The following ADAMTS3 variants were observed in gnomAD, a reference collection of about 807,000 sequenced individuals.
ADAMTS3 encodes the protein ADAM metallopeptidase with thrombospondin type 1 motif 3, also known as A disintegrin and metalloproteinase with thrombospondin motifs 3.
ADAMTS3 carries 73 observed loss-of-function variants against 129.0 expected under a neutral mutation model. The observed-to-expected ratio is 0.57, with a 90% confidence interval of 0.47 to 0.69. The LOEUF (loss-of-function observed/expected upper bound fraction) is 0.69. ADAMTS3 is among the 30% of genes least tolerant of loss of function. The pLI, the probability that ADAMTS3 is intolerant of heterozygous loss-of-function variation, is 0.00. For missense variants in ADAMTS3, 1,457 were observed against 1,514.5 expected (o/e 0.96, Z 0.63); for synonymous variants, 477 against 510.8 (o/e 0.93, Z 0.89).
chr4:72,416,503 C>G (rs1280975647), intron 3 of ADAMTS3, among the ~76,000 whole-genome samples: 3 of 152,126 alleles, frequency 2.0e-5, no homozygotes, highest in African/African-American at 7.2e-5. Flanking sequence ...CTGGAACAAA[C>G]CTCTAGCTTT....
chr4:72,510,692 C>A (rs1224713154), intron 3 of ADAMTS3, among the ~76,000 whole-genome samples: 1 of 151,806 alleles, frequency 6.6e-6, no homozygotes, highest in African/African-American at 2.4e-5. Flanking sequence ...CTACCCAAAG[C>A]AATCTATAGG....
chr4:72,525,884 G>C (rs1353713971), intron 3 of ADAMTS3, among the ~76,000 whole-genome samples: 1 of 152,160 alleles, frequency 6.6e-6, no homozygotes, highest in Non-Finnish European at 1.5e-5. Flanking sequence ...GAACTGGCGG[G>C]GGAGAGAGGG....
chr4:72,322,533 T>C (rs1719583315), intron 6 of ADAMTS3, among the ~76,000 whole-genome samples: 1 of 152,210 alleles, frequency 6.6e-6, no homozygotes, highest in Admixed American at 6.5e-5. Flanking sequence ...AGTGGAAAGA[T>C]ATATGTATAT....
rs186412171 is a variant in ADAMTS3 at position 72,283,239 on chromosome 4, G to C, written c.3515C>G (p.Ala1172Gly). Reference sequence around the variant, plus strand: ...AGAAGAAGCACCTATTGAATCACTGGCTGCAAAGAAGGAAGCAGCAGCCAT... The same window carrying C: ...AGAAGAAGCACCTATTGAATCACTGCCTGCAAAGAAGGAAGCAGCAGCCAT... ...SQMAAASFFA[A>G]SDSIGASSQA... is the part of the protein sequence containing the mutation. Residue 1172 changes from alanine (A) to glycine (G), a missense_variant, in exon 22 of 22, where the codon GCC (alanine) becomes GGC (glycine). Ala to Gly is a moderately conservative substitution (Grantham distance 60). Transcript: ENST00000286657. The C allele has an allele frequency of 1.9e-6, 3 of 1,613,956 alleles. No individual in the cohort carries two copies. In the African/African-American group the frequency reaches 4.0e-5, roughly 22 times the overall value.
chr4:72,537,425 C>A (rs574362836), intron 3 of ADAMTS3, among the ~76,000 whole-genome samples: 40 of 151,490 alleles, frequency 2.6e-4, no homozygotes, highest in African/African-American at 9.2e-4. Context: ...TTCTCTTTTT[C>A]TCCTTTTGTG....
At chr4:72,333,823 T>A (rs1479093218) in intron 5 of ADAMTS3, among the ~76,000 whole-genome samples, 2 of 150,182 alleles carry the variant, frequency 1.3e-5, no homozygotes, top group Non-Finnish European at 2.9e-5. Context: ...TGTTGTTTTG[T>A]TGTTGTTGTT....
chr4:72,286,699 C>T (rs1249273688), intron 21 of ADAMTS3, among the ~76,000 whole-genome samples: 4 of 152,166 alleles, frequency 2.6e-5, no homozygotes, highest in East Asian at 3.9e-4. Context: ...TTGTCACTGT[C>T]GTGGCTTTAG....
chr4:72,460,566 A>AT (rs1718739236), intron 3 of ADAMTS3, among the ~76,000 whole-genome samples: 1 of 151,448 alleles, frequency 6.6e-6, no homozygotes, highest in African/African-American at 2.4e-5. Context: ...TTTTAAAAAT[A>AT]TATTAATAAA....
intron 3 of ADAMTS3, among the ~76,000 whole-genome samples, chr4:72,438,613 C>A (rs1718032713): frequency 6.6e-6 from 1 of 151,668 alleles, no homozygotes; most frequent in Non-Finnish European, 1.5e-5. Context: ...CCTCTCATAG[C>A]CTCTGGAAAA....
intron 3 of ADAMTS3, among the ~76,000 whole-genome samples, chr4:72,421,846 C>T (rs937276383): frequency 6.6e-6 from 1 of 151,990 alleles, no homozygotes; most frequent in Non-Finnish European, 1.5e-5. Context: ...TTTTAAAGTA[C>T]CTGAGATTTT....
chr4:72,390,316 G>A (rs1366898318), intron 4 of ADAMTS3, among the ~76,000 whole-genome samples: 1 of 152,008 alleles, frequency 6.6e-6, no homozygotes, highest in Non-Finnish European at 1.5e-5. Flanking sequence ...ATAATAATAA[G>A]TACATTTATT....
chr4:72,282,946 A>T lies in ADAMTS3; in HGVS notation c.*190T>A, dbSNP rs1397774778. 9 of 476,790 alleles carry T rather than the reference A, an allele frequency of 1.9e-5. No individual in the cohort carries two copies. Among genetic ancestry groups the T allele is most frequent in the Non-Finnish European group, 3.0e-5 (8 of 270,560 alleles). 29.5% of individuals were successfully genotyped at this position (476,790 alleles called of 1,614,324 possible). A position where few individuals can be genotyped will look rare whatever the true frequency, so the allele number is the denominator to read the frequency against. ...GATTTCTTCCAATGAATTCTGGTAA[A>T]TGAGTCAATGCAGAACAAAAGGAGG... On this transcript the variant is annotated 3_prime_UTR_variant, in exon 22 of 22. Coordinates refer to ENST00000286657, the MANE Select transcript of ADAMTS3 (RefSeq NM_014243.3).
At chr4:72,541,991 A>G (rs545697078) in intron 3 of ADAMTS3, among the ~76,000 whole-genome samples, 18 of 152,356 alleles carry the variant, frequency 1.2e-4, no homozygotes, top group Non-Finnish European at 2.2e-4. Flanking sequence ...ACTTTTAATT[A>G]GAAAGTATTC....
intron 3 of ADAMTS3, among the ~76,000 whole-genome samples, chr4:72,540,083 G>T (rs928115846): frequency 2.0e-5 from 3 of 152,138 alleles, no homozygotes; most frequent in East Asian, 3.9e-4. Flanking sequence ...GAAGACAACA[G>T]GAAAATGTGA....
chr4:72,444,582 G>C (rs1051975932), intron 3 of ADAMTS3, among the ~76,000 whole-genome samples: 3 of 151,678 alleles, frequency 2.0e-5, no homozygotes, highest in Admixed American at 2.0e-4. Context: ...CCTTTTCTGT[G>C]TGAAGCTATA....
intron 3 of ADAMTS3, among the ~76,000 whole-genome samples, chr4:72,438,157 G>A (rs940367045): frequency 1.3e-5 from 2 of 151,668 alleles, no homozygotes; most frequent in African/African-American, 4.8e-5. Flanking sequence ...GTAATAGTAG[G>A]AAGATAAGGA....
intron 3 of ADAMTS3, among the ~76,000 whole-genome samples, chr4:72,435,565 T>C (rs184589006): frequency 2.3e-3 from 346 of 152,002 alleles, no homozygotes; most frequent in Non-Finnish European, 3.0e-3. Flanking sequence ...ATTAGCTCTG[T>C]ATTAAAACTG....
At chr4:72,296,545 C>G (rs747447947) in intron 18 of ADAMTS3, among the ~76,000 whole-genome samples, 4 of 152,022 alleles carry the variant, frequency 2.6e-5, no homozygotes, top group African/African-American at 4.8e-5. Flanking sequence ...CTAGATTGAT[C>G]TTTTGTGACT....
intron 3 of ADAMTS3, among the ~76,000 whole-genome samples, chr4:72,458,717 T>C (rs571001860): frequency 3.5e-4 from 53 of 151,524 alleles, no homozygotes; most frequent in Non-Finnish European, 7.1e-4. Flanking sequence ...GCCCTCTCCA[T>C]GGTCCTCAGG....
Sources: allele counts gnomAD v4.1 joint callset (sites outside exome capture counted in the v4.1 genomes callset), GRCh38; gene constraint gnomAD v4.1.1; transcripts MANE v1.5; gene names NCBI Gene and HGNC (gene_info 2026-07-23, HGNC 2026-07-21).